Variants in KIF5C observed in about 807,000 individuals in gnomAD.
The protein encoded by KIF5C is kinesin family member 5C.
A neutral mutation model predicts 125.2 loss-of-function variants in KIF5C; 18 were observed. The ratio of observed to expected loss-of-function variants is 0.14; its 90% CI spans 0.10 to 0.21. KIF5C has a LOEUF of 0.21. Among genes scored for constraint, KIF5C ranks in the 10% least tolerant of loss-of-function variants. KIF5C has a pLI of 1.00. For missense variants in KIF5C, 780 were observed against 1,183.8 expected, an observed-to-expected ratio of 0.66 and a Z score of 5.01; for synonymous variants, 405 against 434.0, an observed-to-expected ratio of 0.93 and a Z score of 0.83.
chr2:148,918,062 T>G (rs1681631328), intron 1 of KIF5C, among the ~76,000 whole-genome samples: 1 of 152,224 alleles, frequency 6.6e-6, no homozygotes, highest in African/African-American at 2.4e-5. Flanking sequence ...GCAGGCCATA[T>G]GGTTCCCAGA....
chr2:148,879,779 A>T (rs1269122719), intron 1 of KIF5C: 1 of 152,206 alleles, frequency 6.6e-6, no homozygotes, highest in Non-Finnish European at 1.5e-5. Context: ...GGATTTTCAC[A>T]CTTCACTTTC....
At chr2:148,918,879 T>C (rs1210024961) in intron 1 of KIF5C, among the ~76,000 whole-genome samples, 4 of 152,224 alleles carry the variant, frequency 2.6e-5, no homozygotes, top group African/African-American at 4.8e-5. Context: ...CAGGAGGTGA[T>C]AGCTGTTGTG....
At chr2:148,888,859 C>T (rs1156388490) in intron 1 of KIF5C, 1 of 151,236 alleles carries the variant, frequency 6.6e-6, no homozygotes, top group African/African-American at 2.4e-5. Context: ...TAAATATACT[C>T]CATAAACAGT....
chr2:148,905,402 G>C (rs980107603), intron 1 of KIF5C, among the ~76,000 whole-genome samples: 1 of 152,106 alleles, frequency 6.6e-6, no homozygotes, highest in South Asian at 2.1e-4. Flanking sequence ...AAGTGGGAGG[G>C]GCAGATGCTT....
intron 3 of KIF5C, among the ~76,000 whole-genome samples, chr2:148,933,456 C>T (rs946637244): frequency 6.6e-6 from 1 of 151,752 alleles, no homozygotes; most frequent in Admixed American, 6.6e-5. Flanking sequence ...CCACCCCCCC[C>T]ACATACATCG....
chr2:148,879,295 A>G (rs1224363225), intron 1 of KIF5C: 1 of 152,154 alleles, frequency 6.6e-6, no homozygotes, highest in Non-Finnish European at 1.5e-5. Flanking sequence ...CTTAGTAAAT[A>G]TTTATCGATC....
chr2:149,014,910 G>A (rs559444946), intron 25 of KIF5C, among the ~76,000 whole-genome samples: 3 of 152,266 alleles, frequency 2.0e-5, no homozygotes, highest in South Asian at 2.1e-4. Context: ...AATATTGGCC[G>A]GGCATGGCGG....
chr2:149,023,333 C>T lies in KIF5C; in HGVS notation c.*263C>T, dbSNP rs941438680. The T allele has an allele frequency of 3.9e-5, 6 of 152,414 alleles. No homozygotes were observed. Among genetic ancestry groups the T allele is most frequent in the African/African-American group, 4.8e-5 (2 of 41,400 alleles). 9.4% of individuals were successfully genotyped at this position (152,414 alleles called of 1,614,324 possible). A position where few individuals can be genotyped will look rare whatever the true frequency, so the allele number is the denominator to read the frequency against. ...AGAACCATTACCACCGACTCGGCCT[C>T]CGGGGTGTTGGGTGGTTTCTGGGTG... On this transcript the variant is annotated 3_prime_UTR_variant, in exon 26 of 26. Coordinates refer to ENST00000435030, the MANE Select transcript of KIF5C (RefSeq NM_004522.3).
At chr2:148,994,624 C>G in intron 17 of KIF5C, 86 bp downstream of exon 17, 1 of 1,455,050 alleles carries the variant, frequency 6.9e-7, no homozygotes, top group Non-Finnish European at 9.1e-7. Flanking sequence ...TGTTTAGTTT[C>G]GTTCAGTTAA....
intron 10 of KIF5C, among the ~76,000 whole-genome samples, chr2:148,955,581 G>T (rs748865588): frequency 1.2e-4 from 18 of 151,802 alleles, no homozygotes; most frequent in African/African-American, 3.1e-4. Context: ...AAAGAGTGAG[G>T]TATATCATAT....
At chr2:149,003,655 G>A (rs1185421321) in intron 21 of KIF5C, among the ~76,000 whole-genome samples, 2 of 152,230 alleles carry the variant, frequency 1.3e-5, no homozygotes, top group African/African-American at 2.4e-5. Context: ...CTGAATGATA[G>A]TTGCCTAAGC....
chr2:148,951,370 G>A (rs1229435421), intron 10 of KIF5C, among the ~76,000 whole-genome samples: 1 of 152,122 alleles, frequency 6.6e-6, no homozygotes, highest in Non-Finnish European at 1.5e-5. Context: ...CCATAGGTGG[G>A]CAGCAGGTAC....
intron 1 of KIF5C, among the ~76,000 whole-genome samples, chr2:148,915,774 G>A (rs1181782642): frequency 6.6e-6 from 1 of 152,214 alleles, no homozygotes; most frequent in Non-Finnish European, 1.5e-5. Context: ...CTGATGAAGA[G>A]TGAAGTGAGG....
rs959718540 is a variant in KIF5C, at chr2:149,024,105, G to T, written c.*1035G>T. 6.6e-6 allele frequency: 1 copy of T among 152,432 alleles called. No individual in the cohort carries two copies. The highest frequency in any genetic ancestry group is 1.5e-5 in the Non-Finnish European group (1 of 68,026). 9.4% of individuals were successfully genotyped at this position (152,432 alleles called of 1,614,324 possible). ...TAAGTTATTATTTTAACCCATAATTGGCGACTGTTTATATGAATTCTTTCT... is the reference window on the plus strand; with the variant it reads ...TAAGTTATTATTTTAACCCATAATTTGCGACTGTTTATATGAATTCTTTCT... On this transcript the variant is annotated 3_prime_UTR_variant, in exon 26 of 26. Transcript: ENST00000435030.
intron 15 of KIF5C, among the ~76,000 whole-genome samples, chr2:148,989,195 A>C (rs924050011): frequency 1.3e-5 from 2 of 152,128 alleles, no homozygotes. Flanking sequence ...GCTCCCACTT[A>C]TGAGTGAGAA....
chr2:148,939,552 A>G (rs1266636658), intron 4 of KIF5C, among the ~76,000 whole-genome samples: 1 of 152,236 alleles, frequency 6.6e-6, no homozygotes, highest in Non-Finnish European at 1.5e-5. Context: ...TTAGAATCTT[A>G]TTAAGATAAA....
At chr2:148,905,130 C>T (rs1681055125) in intron 1 of KIF5C, among the ~76,000 whole-genome samples, 1 of 152,014 alleles carries the variant, frequency 6.6e-6, no homozygotes, top group Non-Finnish European at 1.5e-5. Flanking sequence ...ACTGATTTTT[C>T]ACTTACAACA....
At chr2:148,899,145 T>C (rs901423481) in intron 1 of KIF5C, among the ~76,000 whole-genome samples, 1 of 152,180 alleles carries the variant, frequency 6.6e-6, no homozygotes, top group Non-Finnish European at 1.5e-5. Flanking sequence ...GAATTCAGAT[T>C]AGCCTATATA....
At chr2:148,980,675 C>CTTATTTATTTATTTAT (rs5835290) in intron 13 of KIF5C, among the ~76,000 whole-genome samples, 1 of 144,598 alleles carries the variant, frequency 6.9e-6, no homozygotes, top group Non-Finnish European at 1.5e-5. Context: ...AGATCCTTTG[C>CTTATTTATTTATTTAT]TTATTTATTT....
Sources: gnomAD v4.1 joint callset for allele counts (sites outside exome capture counted in the v4.1 genomes callset) on GRCh38, gnomAD v4.1.1 for gene constraint, MANE v1.5 for transcripts, NCBI Gene and HGNC (gene_info 2026-07-23, HGNC 2026-07-21) for gene names.